Variants in DTNA observed in about 807,000 individuals in gnomAD.
DTNA encodes the protein dystrophin-related protein 3.
In DTNA, 43 loss-of-function variants were observed where a neutral mutation model predicts 100.7. That is an observed-to-expected ratio of 0.43 (90% CI 0.33 to 0.55). DTNA has a LOEUF of 0.55. Among genes scored for constraint, DTNA ranks in the 20% least tolerant of loss-of-function variants. The pLI, the probability that DTNA is intolerant of heterozygous loss-of-function variation, is 0.04. For missense variants in DTNA, 798 were observed against 953.9 expected (o/e 0.84, Z 2.15); for synonymous variants, 349 against 347.9 (o/e 1.00, Z -0.04).
At chr18:34,529,274 TTTA>T (rs1443088582) in intron 1 of DTNA, among the ~76,000 whole-genome samples, 12 of 152,260 alleles carry the variant, frequency 7.9e-5, no homozygotes, top group African/African-American at 2.4e-4. Context: ...GTATAACTTA[TTTA>T]TTATTAGAAT....
upstream of DTNA, among the ~76,000 whole-genome samples, chr18:34,707,509 G>A (rs1404556244): frequency 6.6e-6 from 1 of 152,000 alleles, no homozygotes; most frequent in South Asian, 2.1e-4. Flanking sequence ...TCTGACAAAG[G>A]ATGCACCTTC....
At chr18:34,593,872 G>A (rs1224233682) in intron 1 of DTNA, among the ~76,000 whole-genome samples, 3 of 151,966 alleles carry the variant, frequency 2.0e-5, no homozygotes, top group Non-Finnish European at 1.5e-5. Context: ...TGTCTATTAT[G>A]CCATTGGATG....
chr18:34,589,379 C>T (rs1047458514), intron 1 of DTNA, among the ~76,000 whole-genome samples: 5 of 151,954 alleles, frequency 3.3e-5, no homozygotes, highest in Non-Finnish European at 5.9e-5. Context: ...GAGGCCGAGG[C>T]GGGTGGATCA....
chr18:34,756,638 C>G (rs1305568715), intron 2 of DTNA, among the ~76,000 whole-genome samples: 1 of 152,072 alleles, frequency 6.6e-6, no homozygotes, highest in Non-Finnish European at 1.5e-5. Context: ...AGTTGACCTG[C>G]TACACAAGGG....
rs1454106795 is a variant in DTNA, at chr18:34,891,819, A to G, written c.*4085A>G. The G allele has an allele frequency of 6.6e-6, 1 of 152,116 alleles. No individual in the cohort carries two copies. The highest frequency in any genetic ancestry group is 1.5e-5 in the Non-Finnish European group (1 of 68,034). 9.4% of individuals were successfully genotyped at this position (152,116 alleles called of 1,614,324 possible). ...AAGTGCTCAATGGTTTTTTTGTTGA[A>G]TTACTGAATAAATGAATTAGTGGTG... On this transcript the variant is annotated 3_prime_UTR_variant, in exon 23 of 23. Coordinates refer to ENST00000444659, the MANE Select transcript of DTNA (RefSeq NM_001386795.1).
At chr18:34,765,918 TGCACACATG>T in intron 2 of DTNA, 34 bp from the exon 3 acceptor site, 1 of 1,585,620 alleles carries the variant, frequency 6.3e-7, no homozygotes, top group South Asian at 1.1e-5. Flanking sequence ...AATTTCTTTC[TGCACACATG>T]GCATACCTTA....
At chr18:34,675,644 C>G (rs1224349996) in intron 1 of DTNA, among the ~76,000 whole-genome samples, 1 of 151,828 alleles carries the variant, frequency 6.6e-6, no homozygotes, top group Non-Finnish European at 1.5e-5. Flanking sequence ...TGTATTTCAC[C>G]CTACCTTGTT....
chr18:34,505,051 G>A (rs1173419175), intron 1 of DTNA, among the ~76,000 whole-genome samples: 2 of 152,198 alleles, frequency 1.3e-5, no homozygotes, highest in African/African-American at 4.8e-5. Flanking sequence ...CCTTACAGAA[G>A]TGCACATGTA....
intron 3 of DTNA, among the ~76,000 whole-genome samples, chr18:34,775,487 A>T (rs1446490535): frequency 3.3e-5 from 5 of 152,088 alleles, no homozygotes; most frequent in Non-Finnish European, 5.9e-5. Context: ...ATCTCAAAAA[A>T]AAATAAAAAT....
At chr18:34,518,678 A>G (rs1355477625) in intron 1 of DTNA, among the ~76,000 whole-genome samples, 1 of 81,662 alleles carries the variant, frequency 1.2e-5, no homozygotes, top group East Asian at 6.6e-4. Context: ...ATTTTGACTT[A>G]CCGTTTTTTT....
At chr18:34,570,935 G>C (rs1423918659) in intron 1 of DTNA, among the ~76,000 whole-genome samples, 1 of 152,008 alleles carries the variant, frequency 6.6e-6, no homozygotes, top group Non-Finnish European at 1.5e-5. Flanking sequence ...AAGCTATGAG[G>C]TACTTTGTAA....
chr18:34,839,498 T>C (rs936088429), intron 13 of DTNA, among the ~76,000 whole-genome samples: 4 of 152,216 alleles, frequency 2.6e-5, no homozygotes, highest in African/African-American at 9.6e-5. Context: ...CATTGTGACA[T>C]AGGAGACTCC....
At chr18:34,749,649 T>A (rs867163743) in intron 1 of DTNA, among the ~76,000 whole-genome samples, 2,011 of 11,186 alleles carry the variant, frequency 0.18, 30 homozygotes, top group African/African-American at 0.22. Context: ...CAAAAAATAA[T>A]AATAATAATA....
intron 1 of DTNA, among the ~76,000 whole-genome samples, chr18:34,659,649 C>A (rs1040543549): frequency 6.6e-6 from 1 of 152,094 alleles, no homozygotes; most frequent in South Asian, 2.1e-4. Context: ...CACACACACA[C>A]ACACACACTC....
At position 34,545,619 on chromosome 18, in the gene DTNA, C is replaced by T. The variant is rs552212558; in HGVS notation, c.-2+52105C>T. On this transcript the variant is annotated intron_variant, in intron 1 of 19. Transcript: ENST00000283365. ...AGTAGTGTATCTTTATTTCAACCTCCTTGTTTAAGGAATATGAGTAACAAA... is the reference window on the plus strand; with the variant it reads ...AGTAGTGTATCTTTATTTCAACCTCTTTGTTTAAGGAATATGAGTAACAAA... Among the ~76,000 whole-genome samples, 3 of 152,100 alleles carry T rather than the reference C, an allele frequency of 2.0e-5. No individual in the cohort carries two copies. In the South Asian group the frequency reaches 6.2e-4, roughly 32 times the overall value.
intron 17 of DTNA, chr18:34,866,006 C>G: frequency 2.3e-6 from 3 of 1,312,724 alleles, no homozygotes; most frequent in Non-Finnish European, 3.3e-6. Flanking sequence ...GACCTGCCGT[C>G]AAAGGTGTGT....
chr18:34,568,223 C>T (rs770628916), intron 1 of DTNA, among the ~76,000 whole-genome samples: 1 of 152,058 alleles, frequency 6.6e-6, no homozygotes, highest in Non-Finnish European at 1.5e-5. Context: ...CCATTTTATT[C>T]TGCCAATAAC....
chr18:34,787,033 G>A (rs569415549), intron 3 of DTNA, among the ~76,000 whole-genome samples: 1 of 152,284 alleles, frequency 6.6e-6, no homozygotes, highest in East Asian at 1.9e-4. Flanking sequence ...CTAGGTCTGT[G>A]TGGGAGCCTA....
At chr18:34,819,408 C>A (rs1391930734) in intron 8 of DTNA, among the ~76,000 whole-genome samples, 1 of 152,158 alleles carries the variant, frequency 6.6e-6, no homozygotes, top group African/African-American at 2.4e-5. Flanking sequence ...AATGCAACTC[C>A]TCACTGTTGT....
Sources: allele counts gnomAD v4.1 joint callset (sites outside exome capture counted in the v4.1 genomes callset), GRCh38; gene constraint gnomAD v4.1.1; transcripts MANE v1.5; gene names NCBI Gene and HGNC (gene_info 2026-07-23, HGNC 2026-07-21).